The following FARS2 variants were observed in gnomAD, a reference collection of about 807,000 sequenced individuals.
FARS2 encodes the protein phenylalanine--tRNA ligase, mitochondrial.
A neutral mutation model predicts 46.4 loss-of-function variants in FARS2; 40 were observed. The observed-to-expected ratio is 0.86, with a 90% CI of 0.67 to 1.12. The LOEUF (loss-of-function observed/expected upper bound fraction) is 1.12. Ranked by LOEUF, FARS2 falls within the 50% of genes most tolerant of loss-of-function variation. The probability of loss-of-function intolerance (pLI) is 0.00; values close to 1 mark genes in which losing one functional copy is unlikely to be tolerated. For synonymous variants in FARS2, 234 were observed against 214.9 expected, an observed-to-expected ratio of 1.09 and a Z score of -0.78; for missense variants, 513 against 567.9, an observed-to-expected ratio of 0.90 and a Z score of 0.98.
chr6:5,423,605 T>C (rs781506405), intron 3 of FARS2, among the ~76,000 whole-genome samples: 1 of 152,128 alleles, frequency 6.6e-6, no homozygotes, highest in African/African-American at 2.4e-5. Context: ...GCAGGAGTCA[T>C]TGTGGCTGAA....
chr6:5,641,761 A>G (rs1370491649), intron 6 of FARS2, among the ~76,000 whole-genome samples: 1 of 152,238 alleles, frequency 6.6e-6, no homozygotes, highest in Non-Finnish European at 1.5e-5. Context: ...AGAGCAGGAT[A>G]TCAAAGATAA....
At chr6:5,309,603 A>G (rs991515404) in intron 1 of FARS2, among the ~76,000 whole-genome samples, 5 of 152,212 alleles carry the variant, frequency 3.3e-5, no homozygotes, top group Non-Finnish European at 1.5e-5. Flanking sequence ...GGATCTTATG[A>G]CAGCCAAAAT....
chr6:5,305,248 A>G (rs1045533222), intron 1 of FARS2, among the ~76,000 whole-genome samples: 2 of 152,252 alleles, frequency 1.3e-5, no homozygotes, highest in African/African-American at 2.4e-5. Context: ...GCCTTCATGT[A>G]GGAACTGTAC....
chr6:5,534,040 C>T (rs1022820467), intron 4 of FARS2, among the ~76,000 whole-genome samples: 6 of 152,120 alleles, frequency 3.9e-5, no homozygotes, highest in Non-Finnish European at 8.8e-5. Flanking sequence ...CTGGGAGGGA[C>T]TTGAGACACC....
intron 6 of FARS2, among the ~76,000 whole-genome samples, chr6:5,614,499 T>A (rs886929496): frequency 5.3e-5 from 8 of 150,486 alleles, no homozygotes; most frequent in African/African-American, 2.0e-4. Flanking sequence ...AAGCTCCGCC[T>A]CCCAGGTTCA....
intron 1 of FARS2, among the ~76,000 whole-genome samples, chr6:5,301,120 A>T (rs1807139): frequency 0.13 from 20,138 of 151,966 alleles, 2,879 homozygotes; most frequent in African/African-American, 0.36. Flanking sequence ...ATTTTTTTCT[A>T]GTCTGTAGTC....
intron 6 of FARS2, among the ~76,000 whole-genome samples, chr6:5,667,698 G>C (rs1375146244): frequency 6.6e-6 from 1 of 152,114 alleles, no homozygotes; most frequent in Non-Finnish European, 1.5e-5. Flanking sequence ...GAACATCAGA[G>C]CTGGATAAGC....
Position 5,311,803 on chromosome 6 carries a change from C to G in FARS2, c.-22+50143C>G, listed in dbSNP as rs1287662139. 1.3e-5 allele frequency among the ~76,000 whole-genome samples: 2 copies of G among 152,054 alleles called. No individual in the cohort carries two copies. Among genetic ancestry groups the G allele is most frequent in the South Asian group, 4.1e-4 (2 of 4,830 alleles). On this transcript the variant is annotated intron_variant, in intron 1 of 6. Transcript: ENST00000274680. This position sits in a 1 kb window ranked among gnomAD's most constrained non-coding sequence, Gnocchi z 4.1. Reference sequence around the variant, plus strand: ...AGAAGCAGCTCATGTTTGGATCTAGCTGTCAAAAATGAGAGATAAAAAGCC... The same window carrying G: ...AGAAGCAGCTCATGTTTGGATCTAGGTGTCAAAAATGAGAGATAAAAAGCC...
In FARS2 at chr6:5,387,695, T is replaced by G. The variant is rs149782138; in HGVS notation, c.613-16847T>G. On this transcript the variant is annotated intron_variant, in intron 2 of 6. Transcript: ENST00000274680. ...AGCATCTGCTATGTTCAGGACACTG[T>G]GATGGGGGTCTCTGCTCCAGAGGTC... 2.8e-3 allele frequency among the ~76,000 whole-genome samples: 434 copies of G among 152,290 alleles called. 2 individuals carry two copies. Among genetic ancestry groups the G allele is most frequent in the Middle Eastern group, 0.014 (4 of 294 alleles).
chr6:5,746,338 C>T (rs983182790), intron 6 of FARS2, among the ~76,000 whole-genome samples: 1 of 152,108 alleles, frequency 6.6e-6, no homozygotes, highest in East Asian at 1.9e-4. Flanking sequence ...TGCACTGTTA[C>T]TCCATACGGA....
At chr6:5,730,882 A>G (rs915607793) in intron 6 of FARS2, among the ~76,000 whole-genome samples, 1 of 152,264 alleles carries the variant, frequency 6.6e-6, no homozygotes, top group African/African-American at 2.4e-5. Flanking sequence ...TCAGCCCTAG[A>G]TGGTCTTTTA....
Position 5,635,162 on chromosome 6 carries a change from C to G in FARS2, c.1217+21842C>G, listed in dbSNP as rs538823158. Among the ~76,000 whole-genome samples the G allele has an allele frequency of 1.2e-4, 18 of 152,318 alleles. 2 individuals are homozygous for G. In the South Asian group the frequency reaches 3.7e-3, roughly 32 times the overall value. ...TTATTTTGCACTGCCTGGTGCATAACAAGTGTCCAGTAAGTGTTATTGTTG... is the reference window on the plus strand; with the variant it reads ...TTATTTTGCACTGCCTGGTGCATAAGAAGTGTCCAGTAAGTGTTATTGTTG... On this transcript the variant is annotated intron_variant, in intron 6 of 6. Coordinates refer to ENST00000274680, the MANE Select transcript of FARS2 (RefSeq NM_006567.5).
At position 5,771,329 on chromosome 6, in the gene FARS2, G is replaced by T. The variant is rs202183509; in HGVS notation, c.1256G>T (p.Arg419Leu). The T allele has an allele frequency of 1.2e-6, 2 of 1,614,168 alleles. No homozygotes were observed. The highest frequency in any genetic ancestry group is 3.3e-5 in the Admixed American group (2 of 60,018). The change falls in exon 7 of 7, where the codon CGC becomes CTC. Residue 419 changes from arginine to leucine, a missense_variant. Physicochemically the swap from Arg to Leu is moderately radical, Grantham distance 102. Transcript: ENST00000274680. Reference sequence around the variant, plus strand: ...AGCCACTGCTACCGCATCACGTACCGCCACATGGAACGGACTCTGTCCCAG... The same window carrying T: ...AGCCACTGCTACCGCATCACGTACCTCCACATGGAACGGACTCTGTCCCAG... Reference protein sequence around the residue: ...KTSHCYRITYRHMERTLSQRE... With the variant: ...KTSHCYRITYLHMERTLSQRE...
rs569382112 is a variant in FARS2 at position 5,337,685 on chromosome 6, A to T, written c.-21-30865A>T. The stretch of plus-strand genomic sequence containing the variant: ...CTTTTATTTGTTCTAATAGTTCATG[A>T]GTTCATTCACTTGAGCATTCAGGAT... On this transcript the variant is annotated intron_variant, in intron 1 of 6. Coordinates refer to ENST00000274680, the MANE Select transcript of FARS2 (RefSeq NM_006567.5). Among the ~76,000 whole-genome samples, 3 of 152,316 alleles carry T rather than the reference A, an allele frequency of 2.0e-5. No individual in the cohort carries two copies. The South Asian group carries it at 6.2e-4, about 32-fold the overall frequency.
At position 5,359,029 on chromosome 6, in the gene FARS2, C is replaced by CTTTTTTTTTTTTTTT. The variant is rs764897456; in HGVS notation, c.-21-9521_-21-9520insTTTTTTTTTTTTTTT. Among the ~76,000 whole-genome samples the CTTTTTTTTTTTTTTT allele has an allele frequency of 4.0e-4, 29 of 72,534 alleles. 13 individuals carry two copies. Among genetic ancestry groups the CTTTTTTTTTTTTTTT allele is most frequent in the African/African-American group, 9.5e-4 (21 of 22,058 alleles). The allele number at this position is 72,534 out of a possible 152,430, so 47.6% of individuals were successfully genotyped here. On this transcript the variant is annotated intron_variant, in intron 1 of 6. Transcript: ENST00000274680. The stretch of plus-strand genomic sequence containing the variant: ...TCGAATTATAGTGATGAAAAGATAC[C>CTTTTTTTTTTTTTTT]CTTTTTTTTTTTTTTTTTTTTTTTT...
intron 2 of FARS2, among the ~76,000 whole-genome samples, chr6:5,391,891 C>T (rs1345785941): frequency 6.6e-6 from 1 of 152,142 alleles, no homozygotes; most frequent in African/African-American, 2.4e-5. Context: ...TTCTGAACTA[C>T]TTTCTGTGGC....
At chr6:5,481,108 T>A (rs1029110873) in intron 4 of FARS2, among the ~76,000 whole-genome samples, 2 of 152,216 alleles carry the variant, frequency 1.3e-5, no homozygotes, top group African/African-American at 4.8e-5. Flanking sequence ...TACACCTCCC[T>A]TTCAACTCCC....
chr6:5,387,677 G>T (rs1445891893), intron 2 of FARS2, among the ~76,000 whole-genome samples: 1 of 152,170 alleles, frequency 6.6e-6, no homozygotes, highest in Non-Finnish European at 1.5e-5. Flanking sequence ...TGAAGCATCT[G>T]CTATGTTCAG....
intron 5 of FARS2, chr6:5,610,226 G>A (rs1775095113): frequency 1.1e-5 from 6 of 543,108 alleles, no homozygotes; most frequent in Middle Eastern, 5.1e-4. Flanking sequence ...AGACTTTAAT[G>A]ATGTTTTTTC....
Sources: allele counts gnomAD v4.1 joint callset (sites outside exome capture counted in the v4.1 genomes callset), GRCh38; gene constraint gnomAD v4.1.1; non-coding constraint Gnocchi (gnomAD v3.1); transcripts MANE v1.5; gene names NCBI Gene and HGNC (gene_info 2026-07-23, HGNC 2026-07-21).